Variants in RANBP2 observed in about 807,000 individuals in gnomAD.
RANBP2 encodes E3 SUMO-protein ligase RanBP2.
RANBP2 carries 57 observed loss-of-function variants against 303.6 expected under a neutral mutation model. The observed-to-expected ratio is 0.19, with a 90% CI of 0.15 to 0.23. The LOEUF (loss-of-function observed/expected upper bound fraction) is 0.23, where lower values mean the gene tolerates loss of function less well. RANBP2 is among the 10% of genes least tolerant of loss of function. The pLI, the probability that RANBP2 is intolerant of heterozygous loss-of-function variation, is 1.00. For missense variants in RANBP2, 3,138 were observed against 3,780.8 expected, an observed-to-expected ratio of 0.83 and a Z score of 4.46; for synonymous variants, 1,167 against 1,301.5, an observed-to-expected ratio of 0.90 and a Z score of 2.23.
chr2:109,229,006 T>A, the RANBP2 span, among the ~76,000 whole-genome samples: 1 of 151,900 alleles, frequency 6.6e-6, no homozygotes, highest in Non-Finnish European at 1.5e-5. Flanking sequence ...GCCACCAGAG[T>A]CACTTCATCA....
At chr2:109,346,374 GTAC>G in the RANBP2 span, among the ~76,000 whole-genome samples, 1 of 152,166 alleles carries the variant, frequency 6.6e-6, no homozygotes, top group African/African-American at 2.4e-5. Flanking sequence ...GTTTTTCGAT[GTAC>G]TACTGCTTCA....
chr2:109,398,167 G>C, the RANBP2 span, among the ~76,000 whole-genome samples: 1 of 152,206 alleles, frequency 6.6e-6, no homozygotes, highest in Admixed American at 6.5e-5. Context: ...GACCTGCAGT[G>C]CTCAGGGCAG....
chr2:109,013,966 G>C, the RANBP2 span, among the ~76,000 whole-genome samples: 1 of 152,126 alleles, frequency 6.6e-6, no homozygotes, highest in Admixed American at 6.5e-5. Flanking sequence ...CAGTTATTTT[G>C]CTCCTCATTC....
chr2:108,822,754 A>C, the RANBP2 span, among the ~76,000 whole-genome samples: 1 of 152,234 alleles, frequency 6.6e-6, no homozygotes, highest in Non-Finnish European at 1.5e-5. Flanking sequence ...AAACAAAAAA[A>C]TACATCATAC....
At chr2:108,983,657 C>T in the RANBP2 span, among the ~76,000 whole-genome samples, 45 of 152,290 alleles carry the variant, frequency 3.0e-4, no homozygotes, top group African/African-American at 9.4e-4. Flanking sequence ...CCCTCCTAAT[C>T]GACCTGCATC....
At chr2:109,239,109 C>A in the RANBP2 span, among the ~76,000 whole-genome samples, 1 of 152,192 alleles carries the variant, frequency 6.6e-6, no homozygotes, top group Non-Finnish European at 1.5e-5. Flanking sequence ...GTCCAAGACA[C>A]GTCTTTTCCG....
chr2:109,188,935 A>G, the RANBP2 span, among the ~76,000 whole-genome samples: 1 of 150,704 alleles, frequency 6.6e-6, no homozygotes, highest in Non-Finnish European at 1.5e-5. Flanking sequence ...TGTTTAATTA[A>G]AAAAAAAACC....
At chr2:109,086,990 C>T in the RANBP2 span, among the ~76,000 whole-genome samples, 1 of 152,224 alleles carries the variant, frequency 6.6e-6, no homozygotes. Flanking sequence ...GATGAACTCA[C>T]ATGTGCTTGG....
chr2:109,060,187 G>A, the RANBP2 span, among the ~76,000 whole-genome samples: 1 of 152,104 alleles, frequency 6.6e-6, no homozygotes, highest in Non-Finnish European at 1.5e-5. Flanking sequence ...GGGCGACAGA[G>A]CAAGACTCTA....
the RANBP2 span, among the ~76,000 whole-genome samples, chr2:109,513,817 G>C: frequency 6.6e-6 from 1 of 152,142 alleles, no homozygotes; most frequent in African/African-American, 2.4e-5. Context: ...AGGGGATTGG[G>C]TATCACCAGC....
the RANBP2 span, among the ~76,000 whole-genome samples, chr2:109,083,797 C>A: frequency 2.4e-4 from 37 of 152,254 alleles, no homozygotes; most frequent in South Asian, 1.5e-3. Flanking sequence ...CTCCTCTTTA[C>A]CCAGTGTCAT....
At chr2:109,570,897 C>T in the RANBP2 span, among the ~76,000 whole-genome samples, 1 of 152,240 alleles carries the variant, frequency 6.6e-6, no homozygotes, top group South Asian at 2.1e-4. Context: ...TATATACAGT[C>T]ATGTGTGGCT....
At chr2:109,365,996 T>G in the RANBP2 span, among the ~76,000 whole-genome samples, 3 of 152,248 alleles carry the variant, frequency 2.0e-5, no homozygotes, top group Admixed American at 6.5e-5. Context: ...CTTCCTGAAT[T>G]TGTTTTCTGG....
the RANBP2 span, among the ~76,000 whole-genome samples, chr2:109,547,186 T>C: frequency 1.3e-5 from 2 of 152,206 alleles, no homozygotes; most frequent in African/African-American, 4.8e-5. Context: ...GCCAGCTATG[T>C]GCCTTCCTCC....
chr2:108,738,321 C>T (rs189429461), intron 6 of RANBP2, among the ~76,000 whole-genome samples: 35 of 152,008 alleles, frequency 2.3e-4, no homozygotes, highest in East Asian at 7.8e-4. Flanking sequence ...GTGATCCGCC[C>T]GCCTCGGCCT....
intron 18 of RANBP2, among the ~76,000 whole-genome samples, chr2:108,761,244 A>G (rs1324076500): frequency 2.7e-5 from 4 of 149,328 alleles, no homozygotes; most frequent in African/African-American, 9.9e-5. Flanking sequence ...AGTAATTTCA[A>G]AATAGCTATC....
chr2:108,983,353 G>A, the RANBP2 span, among the ~76,000 whole-genome samples: 1 of 152,152 alleles, frequency 6.6e-6, no homozygotes, highest in Admixed American at 6.5e-5. Context: ...TATTTTTAAG[G>A]ATTAGGATTT....
the RANBP2 span, chr2:109,251,568 G>A: frequency 1.9e-5 from 16 of 822,746 alleles, no homozygotes; most frequent in East Asian, 2.0e-4. Context: ...TGGAGATGGC[G>A]ACTGGTGGGC....
the RANBP2 span, among the ~76,000 whole-genome samples, chr2:109,558,425 A>G: frequency 1.3e-5 from 2 of 152,200 alleles, no homozygotes; most frequent in African/African-American, 4.8e-5. Flanking sequence ...CAATACTTCA[A>G]TGACAGTGAT....
Sources: allele counts gnomAD v4.1 joint callset (sites outside exome capture counted in the v4.1 genomes callset), GRCh38; gene constraint gnomAD v4.1.1; transcripts MANE v1.5; gene names NCBI Gene and HGNC (gene_info 2026-07-23, HGNC 2026-07-21).